Variants in CNOT1 observed in about 807,000 individuals in gnomAD.
CNOT1 encodes the protein CCR4-NOT transcription complex subunit 1, also known as CCR4-associated factor 1.
CNOT1 carries 15 observed loss-of-function variants against 273.8 expected under a neutral mutation model. That is an observed-to-expected ratio of 0.05 (90% CI 0.04 to 0.08). The LOEUF (loss-of-function observed/expected upper bound fraction) is 0.08, where lower values mean the gene tolerates loss of function less well. Ranked by LOEUF, CNOT1 falls within the 10% of genes least tolerant of loss-of-function variation. The pLI, the probability that CNOT1 is intolerant of heterozygous loss-of-function variation, is 1.00. For missense variants in CNOT1, 1,644 were observed against 2,912.2 expected, an observed-to-expected ratio of 0.56 and a Z score of 10.02; for synonymous variants, 1,022 against 1,005.5, an observed-to-expected ratio of 1.02 and a Z score of -0.31.
At chr16:58,628,060 T>A (rs1206330397) in intron 1 of CNOT1, among the ~76,000 whole-genome samples, 1 of 152,182 alleles carries the variant, frequency 6.6e-6, no homozygotes, top group Non-Finnish European at 1.5e-5. Flanking sequence ...ACTCCTGACC[T>A]CTGGTGATTC....
chr16:58,558,384 C>T, intron 18 of CNOT1, 89 bp downstream of exon 18: 1 of 1,567,848 alleles, frequency 6.4e-7, no homozygotes, highest in Admixed American at 1.9e-5. Flanking sequence ...CTTTCCTTAT[C>T]ACAGTGACTC....
rs371356622 is a variant in CNOT1 at position 58,587,475 on chromosome 16, CCTAT to C, written c.310-66_310-63del. 2.6e-5 allele frequency: 41 copies of C among 1,602,752 alleles called. No individual in the cohort carries two copies. In the African/African-American group the frequency reaches 4.4e-4, roughly 17 times the overall value. ...TACTTTTTCAAGAAGTTTTTAACAA[CCTAT>C]CTGTTTGCCCAAGGATGGCACTACA... On this transcript the variant is annotated intron_variant, in intron 4 of 48. Transcript: ENST00000317147.
intron 21 of CNOT1, 84 bp from the exon 22 acceptor site, chr16:58,553,944 G>A: frequency 6.9e-7 from 1 of 1,441,544 alleles, no homozygotes; most frequent in Non-Finnish European, 9.1e-7. Flanking sequence ...TGCTAATCTA[G>A]GTCATTTTTT....
Position 58,538,765 on chromosome 16 carries a change from T to C in CNOT1, c.5135+7A>G. 1 of 1,611,962 alleles carries C rather than the reference T, an allele frequency of 6.2e-7. No homozygotes were observed. On this transcript the variant is annotated splice_region_variant and intron_variant, in intron 36 of 48. Transcript: ENST00000317147. ...ATACTCACTACTTTTCGAAGATGGCTACTGACCTTGTGATCTGTTTGTTGC... is the reference window on the plus strand; with the variant it reads ...ATACTCACTACTTTTCGAAGATGGCCACTGACCTTGTGATCTGTTTGTTGC...
chr16:58,582,933 C>A (rs1257852581), intron 9 of CNOT1, 30 bp from the exon 10 acceptor site: 3 of 1,613,430 alleles, frequency 1.9e-6, no homozygotes, highest in Non-Finnish European at 2.5e-6. Context: ...ATTAAACAAA[C>A]CCAACTACTC....
chr16:58,539,636 ATC>A, intron 35 of CNOT1, 130 bp downstream of exon 35: 1 of 951,390 alleles, frequency 1.1e-6, no homozygotes, highest in Non-Finnish European at 1.4e-6. Context: ...AAAAAAAAAA[ATC>A]ACCTACTTAC....
chr16:58,584,047 A>C (rs2151978148), intron 8 of CNOT1, among the ~76,000 whole-genome samples: 1 of 151,258 alleles, frequency 6.6e-6, no homozygotes, highest in Middle Eastern at 3.4e-3. Context: ...GCTCACCTGT[A>C]GTCCCAGCTG....
chr16:58,556,602 A>G (rs1213955272), intron 19 of CNOT1, among the ~76,000 whole-genome samples: 1 of 152,162 alleles, frequency 6.6e-6, no homozygotes, highest in African/African-American at 2.4e-5. Flanking sequence ...CCACATATTA[A>G]TTTCTCTTTA....
chr16:58,578,550 A>G, intron 13 of CNOT1, 149 bp downstream of exon 13: 9 of 1,338,044 alleles, frequency 6.7e-6, no homozygotes, highest in Non-Finnish European at 8.6e-6. Context: ...TGATTCTAAA[A>G]GATAAAACAA....
chr16:58,590,738 C>T (rs915415099), intron 2 of CNOT1, among the ~76,000 whole-genome samples: 73 of 152,322 alleles, frequency 4.8e-4, no homozygotes, highest in African/African-American at 1.8e-3. Context: ...GCACTCCCAC[C>T]TTGTGGGGAC....
At chr16:58,628,920 G>A in intron 1 of CNOT1, among the ~76,000 whole-genome samples, 1 of 152,234 alleles carries the variant, frequency 6.6e-6, no homozygotes, top group East Asian at 1.9e-4. Flanking sequence ...TTGGCCTTAA[G>A]TACCTCTACA....
chr16:58,602,572 A>AAC (rs1412452876), intron 1 of CNOT1, among the ~76,000 whole-genome samples: 8 of 147,910 alleles, frequency 5.4e-5, no homozygotes, highest in African/African-American at 1.5e-4. Flanking sequence ...AAAAAAAAAA[A>AAC]AAAAACCCAT....
intron 35 of CNOT1, 120 bp downstream of exon 35, chr16:58,539,648 C>A: frequency 9.6e-7 from 1 of 1,045,642 alleles, no homozygotes. Context: ...CACCTACTTA[C>A]AGAACTTGAT....
chr16:58,543,293 C>CTGGTTAACAGAAATGAGAT, intron 31 of CNOT1: 1 of 1,547,004 alleles, frequency 6.5e-7, no homozygotes, highest in East Asian at 2.5e-5. Context: ...TTCATCCTTC[C>CTGGTTAACAGAAATGAGAT]TGGTTAACAG....
At chr16:58,540,695 C>T (rs747725436) in intron 34 of CNOT1, among the ~76,000 whole-genome samples, 10 of 152,022 alleles carry the variant, frequency 6.6e-5, no homozygotes, top group African/African-American at 9.7e-5. Flanking sequence ...CATTTCTGAC[C>T]TTAATGGTTG....
At chr16:58,581,195 C>A in intron 11 of CNOT1, 150 bp downstream of exon 11, 2 of 877,288 alleles carry the variant, frequency 2.3e-6, no homozygotes, top group South Asian at 2.5e-5. Context: ...GATAATATTC[C>A]TTCAATACTT....
At chr16:58,551,377 G>T in intron 23 of CNOT1, 105 bp from the exon 24 acceptor site, 1 of 1,280,102 alleles carries the variant, frequency 7.8e-7, no homozygotes, top group South Asian at 1.5e-5. Flanking sequence ...CACATGGTAT[G>T]ACTGTGTATT....
In CNOT1 at chr16:58,553,256, G is replaced by A. The variant is rs2040513699; in HGVS notation, c.2970+526C>T. ...CACTCTAGCCTGGGCAACAGAGCAA[G>A]ATTTCATCTCCCCCTCCCAAAAAAA... On this transcript the variant is annotated intron_variant, in intron 22 of 48. Coordinates refer to ENST00000317147, the MANE Select transcript of CNOT1 (RefSeq NM_016284.5). Among the ~76,000 whole-genome samples, 3 of 151,352 alleles carry A rather than the reference G, an allele frequency of 2.0e-5. No homozygotes were observed. In the South Asian group the frequency reaches 6.3e-4, roughly 32 times the overall value.
intron 1 of CNOT1, among the ~76,000 whole-genome samples, chr16:58,628,532 G>A (rs1049037780): frequency 6.6e-6 from 1 of 151,492 alleles, no homozygotes; most frequent in Non-Finnish European, 1.5e-5. Flanking sequence ...CTATCAAAGG[G>A]GCTGTCATAA....
Sources: gnomAD v4.1 joint callset for allele counts (sites outside exome capture counted in the v4.1 genomes callset) on GRCh38, gnomAD v4.1.1 for gene constraint, MANE v1.5 for transcripts, NCBI Gene and HGNC (gene_info 2026-07-23, HGNC 2026-07-21) for gene names.